BCAS1: variants seen among roughly 807,000 people sequenced by gnomAD.
BCAS1 encodes the protein brain enriched myelin associated protein 1, also known as breast carcinoma-amplified sequence 1.
A neutral mutation model predicts 65.4 loss-of-function variants in BCAS1; 46 were observed. That is an observed-to-expected ratio of 0.70 (90% CI 0.55 to 0.90). BCAS1 has a LOEUF of 0.90. BCAS1 is among the 40% of genes least tolerant of loss of function. The probability of loss-of-function intolerance (pLI) is 0.00; values close to 1 mark genes in which losing one functional copy is unlikely to be tolerated. For synonymous variants in BCAS1, 298 were observed against 293.5 expected, an observed-to-expected ratio of 1.02 and a Z score of -0.16; for missense variants, 793 against 771.2, an observed-to-expected ratio of 1.03 and a Z score of -0.33.
chr20:53,959,469 G>A (rs984840266), intron 10 of BCAS1, among the ~76,000 whole-genome samples: 1 of 152,122 alleles, frequency 6.6e-6, no homozygotes, highest in Non-Finnish European at 1.5e-5. Context: ...GGCCAGGCTG[G>A]TCTCAAACTC....
At chr20:53,998,803 A>G (rs2090985902) in intron 4 of BCAS1, among the ~76,000 whole-genome samples, 1 of 152,204 alleles carries the variant, frequency 6.6e-6, no homozygotes, top group Non-Finnish European at 1.5e-5. Flanking sequence ...AGAATAATAT[A>G]CAATGCCAAT....
Position 53,953,683 on chromosome 20 carries a change from T to C in BCAS1, c.1564A>G (p.Thr522Ala). The change falls in exon 12 of 13, where the codon ACA becomes GCA. Residue 522 changes from threonine (T) to alanine (A), a missense_variant. By Grantham distance (58) the Thr-to-Ala change is moderately conservative. Transcript: ENST00000688948. ...KDSSCQTSDS[T>A]EKTITPPEPE... ...TCTGGCGGTGTGATAGTCTTTTCTG[T>C]GGAGTCTGATGTCTACAGCAATTTC... The C allele has an allele frequency of 6.2e-7, 1 of 1,612,870 alleles. No homozygotes were observed. Among genetic ancestry groups the C allele is most frequent in the Non-Finnish European group, 8.5e-7 (1 of 1,179,258 alleles).
At chr20:53,950,898 C>T (rs1337099117) in intron 12 of BCAS1, among the ~76,000 whole-genome samples, 2 of 152,172 alleles carry the variant, frequency 1.3e-5, no homozygotes, top group African/African-American at 4.8e-5. Context: ...AATGAATGAA[C>T]ATGGCAATGT....
chr20:54,058,330 T>A (rs2092328554), intron 2 of BCAS1, among the ~76,000 whole-genome samples, 176 bp from the exon 3 acceptor site: 1 of 152,022 alleles, frequency 6.6e-6, no homozygotes, highest in African/African-American at 2.4e-5. Flanking sequence ...AATAACTCAC[T>A]CCAAGAGTGG....
intron 3 of BCAS1, among the ~76,000 whole-genome samples, chr20:54,029,501 T>G (rs1456159751): frequency 6.6e-6 from 1 of 152,170 alleles, no homozygotes; most frequent in Non-Finnish European, 1.5e-5. Flanking sequence ...CAAAAATATC[T>G]CTAGGCATTG....
At chr20:54,008,906 C>T (rs896975509) in intron 4 of BCAS1, among the ~76,000 whole-genome samples, 3 of 152,036 alleles carry the variant, frequency 2.0e-5, no homozygotes, top group South Asian at 2.1e-4. Flanking sequence ...CTCTGCCTAC[C>T]GGGTTCAAGC....
chr20:53,951,188 T>C (rs2089509937), intron 12 of BCAS1, among the ~76,000 whole-genome samples: 1 of 152,118 alleles, frequency 6.6e-6, no homozygotes, highest in Non-Finnish European at 1.5e-5. Flanking sequence ...ACGTGTAAAC[T>C]AAGACCAGGC....
intron 3 of BCAS1, among the ~76,000 whole-genome samples, chr20:54,030,835 T>C (rs1219199643): frequency 6.6e-6 from 1 of 151,334 alleles, no homozygotes; most frequent in Non-Finnish European, 1.5e-5. Context: ...CTAGCTCTTC[T>C]TAACCTTTTT....
At chr20:54,050,012 G>A (rs941595869) in intron 3 of BCAS1, among the ~76,000 whole-genome samples, 1 of 152,134 alleles carries the variant, frequency 6.6e-6, no homozygotes, top group Non-Finnish European at 1.5e-5. Flanking sequence ...GTCAAAAATG[G>A]GTCAGCTTCT....
At chr20:53,996,198 A>G in intron 4 of BCAS1, 148 bp from the exon 5 acceptor site, 1 of 742,258 alleles carries the variant, frequency 1.3e-6, no homozygotes, top group Admixed American at 3.3e-5. Context: ...ATGAGATTAT[A>G]AGAGTCACTC....
chr20:54,062,857 G>A (rs866081555), intron 1 of BCAS1, among the ~76,000 whole-genome samples: 2 of 152,210 alleles, frequency 1.3e-5, no homozygotes, highest in African/African-American at 2.4e-5. Context: ...TGCATGTGTC[G>A]TGAAATTGCT....
intron 4 of BCAS1, among the ~76,000 whole-genome samples, chr20:54,011,359 T>C (rs1166163404): frequency 6.6e-6 from 1 of 151,790 alleles, no homozygotes; most frequent in Non-Finnish European, 1.5e-5. Flanking sequence ...TTAGAATACA[T>C]TTAAAAGAAA....
intron 1 of BCAS1, among the ~76,000 whole-genome samples, chr20:54,069,154 C>T (rs868138572): frequency 6.6e-6 from 1 of 152,020 alleles, no homozygotes; most frequent in African/African-American, 2.4e-5. Context: ...GCACCCTCTA[C>T]ATACCCTGAG....
chr20:54,024,434 G>A (rs1405597026), intron 4 of BCAS1, among the ~76,000 whole-genome samples: 1 of 152,184 alleles, frequency 6.6e-6, no homozygotes, highest in Non-Finnish European at 1.5e-5. Context: ...GATACTCAGT[G>A]AGCAGCCAAA....
At chr20:54,061,622 C>T (rs1010294861) in intron 1 of BCAS1, among the ~76,000 whole-genome samples, 5 of 151,632 alleles carry the variant, frequency 3.3e-5, no homozygotes, top group African/African-American at 1.2e-4. Flanking sequence ...TTGAGGAGGC[C>T]AAAAAAAGGG....
At chr20:54,020,045 CCTGA>C (rs2091523810) in intron 4 of BCAS1, among the ~76,000 whole-genome samples, 1 of 152,138 alleles carries the variant, frequency 6.6e-6, no homozygotes, top group Non-Finnish European at 1.5e-5. Context: ...TTTGGAGAAC[CCTGA>C]CTAATACAAC....
intron 10 of BCAS1, among the ~76,000 whole-genome samples, chr20:53,961,072 G>A (rs941613577): frequency 6.6e-6 from 1 of 152,156 alleles, no homozygotes; most frequent in Admixed American, 6.5e-5. Context: ...TGGCATTCAC[G>A]CCTTGTATAT....
chr20:54,044,499 A>T (rs1010092246), intron 3 of BCAS1, among the ~76,000 whole-genome samples: 1 of 152,252 alleles, frequency 6.6e-6, no homozygotes, highest in Non-Finnish European at 1.5e-5. Flanking sequence ...GTCCTTAAAA[A>T]TTTAAAACAG....
chr20:54,046,781 T>C (rs1269197724), intron 3 of BCAS1, among the ~76,000 whole-genome samples: 1 of 148,284 alleles, frequency 6.7e-6, no homozygotes, highest in Non-Finnish European at 1.5e-5. Flanking sequence ...GACGTGGAGG[T>C]TGCAGCAAGC....
Sources: allele counts gnomAD v4.1 joint callset (sites outside exome capture counted in the v4.1 genomes callset), GRCh38; gene constraint gnomAD v4.1.1; transcripts MANE v1.5; gene names NCBI Gene and HGNC (gene_info 2026-07-23, HGNC 2026-07-21).